Variants in DYRK4 observed in about 807,000 individuals in gnomAD.
The protein encoded by DYRK4 is dual specificity tyrosine-phosphorylation-regulated kinase 4.
Under a neutral mutation model 68.3 loss-of-function variants are expected in DYRK4, and 64 were observed. The ratio of observed to expected loss-of-function variants is 0.94; its 90% confidence interval spans 0.77 to 1.15. DYRK4 has a LOEUF of 1.15. Ranked by LOEUF, DYRK4 falls within the 50% of genes most tolerant of loss-of-function variation. The pLI, the probability that DYRK4 is intolerant of heterozygous loss-of-function variation, is 0.00. For synonymous variants in DYRK4, 274 were observed against 289.9 expected (o/e 0.95, Z 0.56); for missense variants, 740 against 764.7 (o/e 0.97, Z 0.38).
At chr12:4,590,107 T>C in intron 3 of DYRK4, 1 of 1,270,394 alleles carries the variant, frequency 7.9e-7, no homozygotes, top group Admixed American at 4.0e-5. Flanking sequence ...CTGCAGCTAG[T>C]AAGTAGTAGA....
At chr12:4,568,270 A>G (rs894910747) in intron 2 of DYRK4, among the ~76,000 whole-genome samples, 2 of 152,224 alleles carry the variant, frequency 1.3e-5, no homozygotes, top group Non-Finnish European at 2.9e-5. Flanking sequence ...TGTATTCCAG[A>G]AGGCCCTGGG....
At chr12:4,590,156 C>G (rs1328865647) in intron 3 of DYRK4, 174 bp from the exon 4 acceptor site, 26 of 1,371,006 alleles carry the variant, frequency 1.9e-5, no homozygotes, top group Admixed American at 3.4e-5. Flanking sequence ...TTTGTTGACT[C>G]TGCTGCTCTG....
At chr12:4,598,886 A>C (rs1945048199) in intron 8 of DYRK4, 142 bp from the exon 9 acceptor site, 5 of 860,468 alleles carry the variant, frequency 5.8e-6, no homozygotes, top group Admixed American at 2.2e-5. Flanking sequence ...TGAGTCTATA[A>C]GGGCATGAAA....
At chr12:4,564,202 A>G (rs1015595284) in intron 1 of DYRK4, among the ~76,000 whole-genome samples, 1 of 152,218 alleles carries the variant, frequency 6.6e-6, no homozygotes, top group Non-Finnish European at 1.5e-5. Flanking sequence ...TGTTTAATAA[A>G]TCAGTAGAAT....
At chr12:4,595,345 C>G (rs1429778713) in intron 6 of DYRK4, among the ~76,000 whole-genome samples, 1 of 152,206 alleles carries the variant, frequency 6.6e-6, no homozygotes, top group Non-Finnish European at 1.5e-5. Flanking sequence ...AAATTAGAGA[C>G]CCACAGAGCT....
At chr12:4,584,895 A>C (rs1944879623) in intron 2 of DYRK4, among the ~76,000 whole-genome samples, 2 of 152,132 alleles carry the variant, frequency 1.3e-5, no homozygotes, top group South Asian at 4.1e-4. Flanking sequence ...CTATTGGAGA[A>C]GGGTGAGCTA....
intron 2 of DYRK4, chr12:4,580,790 C>T: frequency 2.2e-6 from 1 of 454,256 alleles, no homozygotes; most frequent in Non-Finnish European, 4.4e-6. Flanking sequence ...CCACCAGGCA[C>T]TTAGGGATTT....
rs533119359 is a variant in DYRK4, at chr12:4,585,104, A to G, written c.133-3833A>G. 1.3e-3 allele frequency among the ~76,000 whole-genome samples: 199 copies of G among 152,238 alleles called. 1 individual carries two copies. Among genetic ancestry groups the G allele is most frequent in the African/African-American group, 4.5e-3 (188 of 41,552 alleles). On this transcript the variant is annotated intron_variant, in intron 2 of 14. Transcript: ENST00000543431. ...CATGTCACCGCAGTGTTCAGATCCT[A>G]TGGGTTTATCTCTTAGTGATGACAA...
Position 4,593,816 on chromosome 12 carries a change from C to T in DYRK4, c.627+651C>T, listed in dbSNP as rs1591799373. The stretch of plus-strand genomic sequence containing the variant: ...CTAGGCTGTGGGCTGTCAGGAATTT[C>T]CTCTTCGGAACATTTCATTGCAACT... On this transcript the variant is annotated intron_variant, in intron 6 of 14. Coordinates refer to ENST00000543431, the MANE Select transcript of DYRK4 (RefSeq NM_001394779.1). 2.0e-5 allele frequency among the ~76,000 whole-genome samples: 3 copies of T among 152,298 alleles called. No homozygotes were observed. The South Asian group carries it at 6.2e-4, about 32-fold the overall frequency.
In DYRK4 at chr12:4,591,302, T is replaced by C; in HGVS notation, c.463+4T>C. 1 of 1,613,888 alleles carries C rather than the reference T, an allele frequency of 6.2e-7. No homozygotes were observed. Among genetic ancestry groups the C allele is most frequent in the East Asian group, 2.2e-5 (1 of 44,858 alleles). Reference sequence around the variant, plus strand: ...AAGGTGACTCTGACAGCGGCAGGTATGCCTTTGGGGCAGTAGCAGGGTGGG... The same window carrying C: ...AAGGTGACTCTGACAGCGGCAGGTACGCCTTTGGGGCAGTAGCAGGGTGGG... On this transcript the variant is annotated splice_donor_region_variant and intron_variant, in intron 5 of 14. Coordinates refer to ENST00000543431, the MANE Select transcript of DYRK4 (RefSeq NM_001394779.1). This position sits in a 1 kb window ranked among gnomAD's most constrained non-coding sequence, Gnocchi z 4.1.
intron 11 of DYRK4, among the ~76,000 whole-genome samples, chr12:4,605,986 A>C (rs1429297519): frequency 1.3e-5 from 2 of 152,118 alleles, no homozygotes; most frequent in African/African-American, 2.4e-5. Context: ...AACCCGATTA[A>C]AATGTTGAAA....
intron 3 of DYRK4, chr12:4,590,009 C>G: frequency 2.9e-6 from 1 of 343,234 alleles, no homozygotes; most frequent in Non-Finnish European, 4.4e-6. Flanking sequence ...CTCACAAAAG[C>G]CTTATGAGGT....
intron 11 of DYRK4, 83 bp downstream of exon 11, chr12:4,605,169 A>G (rs1395127826): frequency 7.8e-7 from 1 of 1,287,126 alleles, no homozygotes; most frequent in Non-Finnish European, 1.1e-6. Flanking sequence ...CTCGCCCAGG[A>G]CCATGGCCTG....
At chr12:4,573,134 G>A in intron 2 of DYRK4, 2 of 393,230 alleles carry the variant, frequency 5.1e-6, no homozygotes, top group South Asian at 4.2e-5. Flanking sequence ...AAATGCAAAT[G>A]GAAGACTCGA....
Position 4,612,648 on chromosome 12 carries a change from A to T in DYRK4, c.1596A>T (p.Lys532Asn). The change falls in exon 14 of 15, where the codon AAA becomes AAT. Residue 532 changes from lysine to asparagine, a missense_variant. By Grantham distance (94) the Lys-to-Asn change is moderately conservative. Coordinates refer to ENST00000543431, the MANE Select transcript of DYRK4 (RefSeq NM_001394779.1). Reference sequence around the variant, plus strand: ...AGCCCAGGCCCCAGACCCTGAGGAAATCCAATTCCTTTTTCCCCTCTGAGA... The same window carrying T: ...AGCCCAGGCCCCAGACCCTGAGGAATTCCAATTCCTTTTTCCCCTCTGAGA... ...KPQPRPQTLR[K>N]SNSFFPSETR... is the part of the protein sequence containing the mutation. 1 of 1,614,176 alleles carries T rather than the reference A, an allele frequency of 6.2e-7. No homozygotes were observed. The highest frequency in any genetic ancestry group is 8.5e-7 in the Non-Finnish European group (1 of 1,180,026).
chr12:4,612,185 A>G (rs1322725025), intron 13 of DYRK4, among the ~76,000 whole-genome samples: 2 of 152,112 alleles, frequency 1.3e-5, no homozygotes, highest in African/African-American at 4.8e-5. Context: ...TGAAGCCCCA[A>G]TTCTGTAGTC....
intron 2 of DYRK4, among the ~76,000 whole-genome samples, chr12:4,577,606 T>G (rs532171199): frequency 9.2e-5 from 14 of 152,362 alleles, no homozygotes; most frequent in African/African-American, 3.4e-4. Flanking sequence ...GTGTTGGCTA[T>G]TCTAGGTCTT....
chr12:4,605,483 G>A (rs1945134238), intron 11 of DYRK4, among the ~76,000 whole-genome samples: 1 of 151,774 alleles, frequency 6.6e-6, no homozygotes, highest in African/African-American at 2.4e-5. Flanking sequence ...TTTCCCTTTT[G>A]TTTCTACTCT....
intron 8 of DYRK4, among the ~76,000 whole-genome samples, chr12:4,597,529 T>A (rs566727282): frequency 3.9e-5 from 6 of 152,348 alleles, no homozygotes; most frequent in African/African-American, 1.4e-4. Context: ...AGAGGTAAAT[T>A]ATCTTCTCTG....
Sources: allele counts gnomAD v4.1 joint callset (sites outside exome capture counted in the v4.1 genomes callset), GRCh38; gene constraint gnomAD v4.1.1; non-coding constraint Gnocchi (gnomAD v3.1); transcripts MANE v1.5; gene names NCBI Gene and HGNC (gene_info 2026-07-23, HGNC 2026-07-21).